The following NUP107 variants were observed in gnomAD, a reference collection of about 807,000 sequenced individuals.
NUP107 encodes the protein nuclear pore complex protein Nup107.
NUP107 carries 101 observed loss-of-function variants against 141.0 expected under a neutral mutation model. The ratio of observed to expected loss-of-function variants is 0.72; its 90% CI spans 0.61 to 0.84. NUP107 has a LOEUF of 0.84. Among genes scored for constraint, NUP107 ranks in the 40% least tolerant of loss-of-function variants. NUP107 has a pLI of 0.00. For synonymous variants in NUP107, 319 were observed against 363.9 expected (o/e 0.88, Z 1.41); for missense variants, 941 against 1,102.7 (o/e 0.85, Z 2.08).
At chr12:68,738,101 C>A (rs1035809044) in intron 26 of NUP107, among the ~76,000 whole-genome samples, 1 of 152,082 alleles carries the variant, frequency 6.6e-6, no homozygotes, top group African/African-American at 2.4e-5. Flanking sequence ...ATGGTGAAAC[C>A]CTGTCTCTAC....
chr12:68,728,706 G>A (rs1235400988), intron 20 of NUP107, among the ~76,000 whole-genome samples: 2 of 149,408 alleles, frequency 1.3e-5, no homozygotes, highest in Non-Finnish European at 3.0e-5. Context: ...CACGACACCC[G>A]GCCTGGACCT....
chr12:68,716,871 A>G (rs1877137443), intron 12 of NUP107, among the ~76,000 whole-genome samples: 1 of 151,046 alleles, frequency 6.6e-6, no homozygotes, highest in Admixed American at 6.6e-5. Context: ...TGTGCTATCA[A>G]CCATAAGCAT....
chr12:68,721,374 A>T (rs1877342892), intron 15 of NUP107, among the ~76,000 whole-genome samples, 197 bp downstream of exon 15: 1 of 152,204 alleles, frequency 6.6e-6, no homozygotes, highest in African/African-American at 2.4e-5. Flanking sequence ...CATAACATGC[A>T]TGGTATTTTA....
intron 9 of NUP107, 37 bp downstream of exon 9, chr12:68,709,346 T>C: frequency 7.9e-7 from 1 of 1,272,778 alleles, no homozygotes; most frequent in Admixed American, 2.1e-5. Flanking sequence ...TTATGAAACA[T>C]GGAGAAAAGG....
intron 11 of NUP107, among the ~76,000 whole-genome samples, chr12:68,714,644 C>A (rs575321077): frequency 6.6e-6 from 1 of 152,290 alleles, no homozygotes; most frequent in East Asian, 1.9e-4. Flanking sequence ...TCTTGAGTCA[C>A]ATTAAAATTG....
chr12:68,716,602 A>G (rs527343878), intron 12 of NUP107, among the ~76,000 whole-genome samples: 10 of 152,236 alleles, frequency 6.6e-5, no homozygotes, highest in Admixed American at 2.0e-4. Flanking sequence ...AGGTGATACT[A>G]TTTAGGCACT....
chr12:68,722,069 T>C, intron 16 of NUP107, 35 bp from the exon 17 acceptor site: 1 of 1,611,972 alleles, frequency 6.2e-7, no homozygotes, highest in Non-Finnish European at 8.5e-7. Context: ...TTTCATATTA[T>C]TAACATTATT....
At chr12:68,695,796 A>G (rs1227342481) in intron 5 of NUP107, among the ~76,000 whole-genome samples, 2 of 152,116 alleles carry the variant, frequency 1.3e-5, no homozygotes, top group Non-Finnish European at 2.9e-5. Context: ...TAATCCTACC[A>G]CTTTGGGATG....
chr12:68,731,971 T>G (rs1157409885), intron 22 of NUP107, among the ~76,000 whole-genome samples: 1 of 152,220 alleles, frequency 6.6e-6, no homozygotes, highest in Non-Finnish European at 1.5e-5. Flanking sequence ...TTTTAAATAC[T>G]TGATTAATCA....
In NUP107 at chr12:68,721,932, C is replaced by G. The variant is rs1225400437; in HGVS notation, c.1403C>G (p.Ser468Ter). ...CTGGTAGAACAGGAGATCCAGACAT[C>G]AGTAGCAACTCTGGATGAAACTGAA... is the stretch of plus-strand genomic sequence containing the variant. ...DSLVEQEIQT[S>*]VATLDETEEL... The change falls in exon 16 of 28, where the codon TCA becomes TGA. Residue 468 changes from serine (S) to a stop codon, truncating the protein, a stop_gained. Coordinates refer to ENST00000229179, the MANE Select transcript of NUP107 (RefSeq NM_020401.4). LOFTEE classifies it high-confidence loss of function. 8 of 1,613,854 alleles carry G rather than the reference C, an allele frequency of 5.0e-6. No homozygotes were observed. Among genetic ancestry groups the G allele is most frequent in the Non-Finnish European group, 6.8e-6 (8 of 1,179,888 alleles).
At chr12:68,702,367 C>T (rs1313907497) in intron 7 of NUP107, among the ~76,000 whole-genome samples, 1 of 151,982 alleles carries the variant, frequency 6.6e-6, no homozygotes, top group African/African-American at 2.4e-5. Context: ...TCAGGTGATC[C>T]ACCCACCTCA....
At chr12:68,716,739 G>T (rs968525539) in intron 12 of NUP107, among the ~76,000 whole-genome samples, 1 of 152,126 alleles carries the variant, frequency 6.6e-6, no homozygotes, top group African/African-American at 2.4e-5. Flanking sequence ...TGCCTCTTTA[G>T]GTGAGATAGT....
chr12:68,742,325 C>T (rs1452966583), intron 27 of NUP107, 30 bp from the exon 28 acceptor site: 1 of 1,393,720 alleles, frequency 7.2e-7, no homozygotes, highest in African/African-American at 1.4e-5. Context: ...TGTCTTTGTT[C>T]TCATTCTTAT....
intron 4 of NUP107, 146 bp from the exon 5 acceptor site, chr12:68,691,822 A>G (rs1592490337): frequency 1.5e-6 from 1 of 654,044 alleles, no homozygotes; most frequent in East Asian, 3.1e-5. Flanking sequence ...CAACAGATCC[A>G]GACCTTATCT....
At chr12:68,706,983 G>C (rs1376157162) in intron 8 of NUP107, 1 of 636,220 alleles carries the variant, frequency 1.6e-6, no homozygotes. Flanking sequence ...TCCTTCAGCT[G>C]CACCAGCTCC....
intron 1 of NUP107, among the ~76,000 whole-genome samples, chr12:68,688,163 A>G (rs1051869645): frequency 2.6e-5 from 4 of 151,902 alleles, no homozygotes; most frequent in African/African-American, 4.8e-5. Context: ...TTTTACTTCT[A>G]TAGACCAGAG....
intron 8 of NUP107, chr12:68,706,744 C>T (rs1876602139): frequency 2.6e-6 from 2 of 758,810 alleles, no homozygotes; most frequent in Non-Finnish European, 2.5e-6. Context: ...TGCGGGAGTA[C>T]CAGGAGCTGA....
intron 6 of NUP107, among the ~76,000 whole-genome samples, chr12:68,697,399 G>C (rs903787877): frequency 6.9e-6 from 1 of 145,494 alleles, no homozygotes; most frequent in African/African-American, 2.5e-5. Context: ...ACTCCAGCCA[G>C]GGTGACAGAG....
chr12:68,733,654 T>A (rs567380682), intron 24 of NUP107, 42 bp downstream of exon 24: 114 of 1,563,466 alleles, frequency 7.3e-5, no homozygotes, highest in Admixed American at 2.8e-4. Flanking sequence ...TACTTCATGA[T>A]GATTTTTCGG....
Sources: allele counts gnomAD v4.1 joint callset (sites outside exome capture counted in the v4.1 genomes callset), GRCh38; gene constraint gnomAD v4.1.1; transcripts MANE v1.5; gene names NCBI Gene and HGNC (gene_info 2026-07-23, HGNC 2026-07-21).